ANK1: variants seen among roughly 807,000 people sequenced by gnomAD.
ANK1 encodes ankyrin 1.
Under a neutral mutation model 210.4 loss-of-function variants are expected in ANK1, and 51 were observed. The observed-to-expected ratio is 0.24, with a 90% CI of 0.19 to 0.31. The LOEUF (loss-of-function observed/expected upper bound fraction) is 0.31. Among genes scored for constraint, ANK1 ranks in the 10% least tolerant of loss-of-function variants. The pLI, the probability that ANK1 is intolerant of heterozygous loss-of-function variation, is 1.00. For synonymous variants in ANK1, 967 were observed against 1,025.9 expected, an observed-to-expected ratio of 0.94 and a Z score of 1.10; for missense variants, 2,051 against 2,504.4, an observed-to-expected ratio of 0.82 and a Z score of 3.86.
In ANK1 at chr8:41,771,261, A is replaced by G. The variant is rs565371001; in HGVS notation, c.28-13124T>C. ...AGATCCTTCAGGATGGCAGAAAAAA[A>G]AAACCTCAACATTTGATCTGGCATA... On this transcript the variant is annotated intron_variant, in intron 1 of 42. Coordinates refer to ENST00000289734, the MANE Select transcript of ANK1 (RefSeq NM_000037.4). 2.1e-4 allele frequency among the ~76,000 whole-genome samples: 32 copies of G among 152,320 alleles called. No homozygotes were observed. The South Asian group carries it at 6.4e-3, about 31-fold the overall frequency.
At chr8:41,700,355 A>C in intron 22 of ANK1, 3 of 1,441,578 alleles carry the variant, frequency 2.1e-6, no homozygotes, top group Middle Eastern at 1.8e-4. Context: ...GGAATGGATT[A>C]GTGAGCATCA....
chr8:41,732,885 C>G (rs2150671252), intron 3 of ANK1, among the ~76,000 whole-genome samples: 1 of 151,582 alleles, frequency 6.6e-6, no homozygotes, highest in South Asian at 2.1e-4. Context: ...TTACAGGCGC[C>G]CGCCACCACG....
intron 1 of ANK1, among the ~76,000 whole-genome samples, chr8:41,819,008 G>A (rs1430263400): frequency 6.6e-6 from 1 of 152,182 alleles, no homozygotes; most frequent in Non-Finnish European, 1.5e-5. Flanking sequence ...AGTAACTCAA[G>A]CTAAGGGCCC....
intron 1 of ANK1, among the ~76,000 whole-genome samples, chr8:41,775,490 C>T (rs763122932): frequency 2.0e-5 from 3 of 152,180 alleles, no homozygotes; most frequent in South Asian, 2.1e-4. Flanking sequence ...TGGAAGGCCC[C>T]GTCCACACCC....
chr8:41,781,585 C>T (rs532947430), intron 1 of ANK1, among the ~76,000 whole-genome samples: 2 of 152,340 alleles, frequency 1.3e-5, no homozygotes, highest in South Asian at 4.1e-4. Flanking sequence ...GCCTCAGTCC[C>T]CATCCCAGCA....
intron 1 of ANK1, among the ~76,000 whole-genome samples, chr8:41,835,831 C>A (rs546276548): frequency 1.3e-5 from 2 of 152,380 alleles, no homozygotes; most frequent in South Asian, 4.1e-4. Flanking sequence ...ACATCTGTCA[C>A]CTGAGATGGT....
chr8:41,845,326 T>C (rs1048594240), intron 1 of ANK1, among the ~76,000 whole-genome samples: 2 of 151,042 alleles, frequency 1.3e-5, no homozygotes, highest in Non-Finnish European at 2.9e-5. Context: ...GAGGCAGAGG[T>C]TGTAGTTTGC....
At chr8:41,874,274 C>T (rs528251550) in intron 1 of ANK1, among the ~76,000 whole-genome samples, 27 of 152,322 alleles carry the variant, frequency 1.8e-4, no homozygotes, top group African/African-American at 4.6e-4. Flanking sequence ...CTCCTATAGC[C>T]GCCTTCAGAG....
At chr8:41,725,435 G>A (rs1830435493) in intron 6 of ANK1, among the ~76,000 whole-genome samples, 1 of 152,100 alleles carries the variant, frequency 6.6e-6, no homozygotes, top group Non-Finnish European at 1.5e-5. Flanking sequence ...GGGGCAGCCG[G>A]GGAGGAGAGA....
intron 20 of ANK1, among the ~76,000 whole-genome samples, chr8:41,703,414 G>A (rs1447107490): frequency 5.6e-5 from 3 of 53,786 alleles, no homozygotes; most frequent in East Asian, 7.1e-4. Flanking sequence ...GTGTGTGTGT[G>A]TGTGTGTGTA....
At chr8:41,664,637 A>G (rs1809744132) in intron 39 of ANK1, among the ~76,000 whole-genome samples, 1 of 152,032 alleles carries the variant, frequency 6.6e-6, no homozygotes, top group Non-Finnish European at 1.5e-5. Flanking sequence ...TGGTGGGCGC[A>G]CACACACTCT....
intron 1 of ANK1, among the ~76,000 whole-genome samples, chr8:41,862,692 A>C (rs1026291686): frequency 6.6e-6 from 1 of 151,118 alleles, no homozygotes. Flanking sequence ...GAAAAACTAA[A>C]CAAGTTCAAA....
intron 1 of ANK1, among the ~76,000 whole-genome samples, chr8:41,781,332 C>G (rs995268898): frequency 2.6e-5 from 4 of 152,224 alleles, no homozygotes; most frequent in African/African-American, 9.6e-5. Flanking sequence ...CCAGGACTCC[C>G]TGCTGAGCAG....
chr8:41,665,242 C>T (rs1386661216), intron 39 of ANK1: 1 of 1,514,564 alleles, frequency 6.6e-7, no homozygotes, highest in Non-Finnish European at 8.8e-7. Context: ...GCCCAAGTGC[C>T]CTTCTGCCCA....
intron 1 of ANK1, among the ~76,000 whole-genome samples, chr8:41,884,768 G>T (rs998860679): frequency 3.9e-5 from 6 of 152,104 alleles, no homozygotes; most frequent in African/African-American, 1.4e-4. Context: ...GGAGTTCAAG[G>T]CTGCAATAAA....
intron 1 of ANK1, among the ~76,000 whole-genome samples, chr8:41,848,396 C>G (rs1013313820): frequency 1.3e-5 from 2 of 152,180 alleles, no homozygotes; most frequent in African/African-American, 4.8e-5. Context: ...GAAGACCTCA[C>G]AGGGGAAGTG....
chr8:41,821,538 G>A (rs1804260095), intron 1 of ANK1, among the ~76,000 whole-genome samples: 1 of 152,114 alleles, frequency 6.6e-6, no homozygotes, highest in Non-Finnish European at 1.5e-5. Context: ...ACACATGCAT[G>A]CGTCAAAGGC....
In ANK1 at chr8:41,664,181, G is replaced by A. The variant is rs1426055062; in HGVS notation, c.5395-439C>T. 1.7e-5 allele frequency: 8 copies of A among 457,524 alleles called. No homozygotes were observed. The East Asian group carries it at 2.1e-4, about 12-fold the overall frequency. 28.3% of individuals were successfully genotyped at this position (457,524 alleles called of 1,614,324 possible). ...AGCCAGTTGGTGACAGAAACAGGAC[G>A]ATCCGGGTGCAATCCCATGGTGGCT... On this transcript the variant is annotated intron_variant, in intron 39 of 42. Coordinates refer to ENST00000289734, the MANE Select transcript of ANK1 (RefSeq NM_000037.4).
intron 9 of ANK1, among the ~76,000 whole-genome samples, chr8:41,721,781 T>G (rs963782855): frequency 3.3e-5 from 5 of 152,160 alleles, no homozygotes; most frequent in African/African-American, 1.2e-4. Flanking sequence ...CATGTGGTTC[T>G]TTGTTAAGGT....
Sources: gnomAD v4.1 joint callset for allele counts (sites outside exome capture counted in the v4.1 genomes callset) on GRCh38, gnomAD v4.1.1 for gene constraint, MANE v1.5 for transcripts, NCBI Gene and HGNC (gene_info 2026-07-23, HGNC 2026-07-21) for gene names.